TXNDC16: variants seen among roughly 807,000 people sequenced by gnomAD.
TXNDC16 encodes thioredoxin domain-containing protein 16.
A neutral mutation model predicts 85.6 loss-of-function variants in TXNDC16; 74 were observed. The ratio of observed to expected loss-of-function variants is 0.86; its 90% confidence interval spans 0.72 to 1.05. The LOEUF (loss-of-function observed/expected upper bound fraction) is 1.05, where lower values mean the gene tolerates loss of function less well. Ranked by LOEUF, TXNDC16 falls within the 50% of genes least tolerant of loss-of-function variation. TXNDC16 has a pLI of 0.00. For synonymous variants in TXNDC16, 335 were observed against 326.5 expected, an observed-to-expected ratio of 1.03 and a Z score of -0.28; for missense variants, 959 against 947.0, an observed-to-expected ratio of 1.01 and a Z score of -0.17.
At chr14:52,528,170 T>C (rs942483593) in intron 6 of TXNDC16, among the ~76,000 whole-genome samples, 1 of 152,146 alleles carries the variant, frequency 6.6e-6, no homozygotes, top group African/African-American at 2.4e-5. Flanking sequence ...AATGATCTTT[T>C]CTGCTGACGA....
At chr14:52,511,522 G>C in intron 8 of TXNDC16, 132 bp from the exon 9 acceptor site, 1 of 515,398 alleles carries the variant, frequency 1.9e-6, no homozygotes, top group Middle Eastern at 5.3e-4. Context: ...GCCTGAAAGA[G>C]TATAAAATTA....
At chr14:52,535,671 C>T (rs1449272515) in intron 6 of TXNDC16, among the ~76,000 whole-genome samples, 2 of 152,066 alleles carry the variant, frequency 1.3e-5, no homozygotes, top group African/African-American at 4.8e-5. Context: ...GGGGAAGAGT[C>T]CAAGAATGGA....
intron 20 of TXNDC16, 21 bp from the exon 21 acceptor site, chr14:52,432,608 A>T: frequency 3.8e-6 from 6 of 1,579,872 alleles, no homozygotes; most frequent in Non-Finnish European, 5.1e-6. Flanking sequence ...GAAACAATCA[A>T]AGGTTAAAGA....
intron 12 of TXNDC16, among the ~76,000 whole-genome samples, chr14:52,485,288 G>A (rs1203655420): frequency 1.3e-5 from 2 of 152,052 alleles, no homozygotes; most frequent in African/African-American, 4.8e-5. Flanking sequence ...ATAGCATAAG[G>A]ATATAAAAAA....
chr14:52,530,246 TA>T (rs1277080451), intron 6 of TXNDC16, among the ~76,000 whole-genome samples: 23 of 45,768 alleles, frequency 5.0e-4, no homozygotes, highest in African/African-American at 3.2e-3. Flanking sequence ...TAATAATATA[TA>T]ATATATATTA....
intron 12 of TXNDC16, among the ~76,000 whole-genome samples, chr14:52,487,846 A>G (rs1178534132): frequency 6.6e-6 from 1 of 152,236 alleles, no homozygotes; most frequent in African/African-American, 2.4e-5. Flanking sequence ...AAAGAGTTAA[A>G]AACTATACAA....
At chr14:52,503,623 G>GA (rs1181365050) in intron 9 of TXNDC16, among the ~76,000 whole-genome samples, 1 of 152,136 alleles carries the variant, frequency 6.6e-6, no homozygotes, top group Non-Finnish European at 1.5e-5. Context: ...CAAAGATGGG[G>GA]AAAAAACAGA....
intron 9 of TXNDC16, among the ~76,000 whole-genome samples, chr14:52,504,346 A>C (rs2036738379): frequency 6.6e-6 from 1 of 152,272 alleles, no homozygotes; most frequent in Non-Finnish European, 1.5e-5. Flanking sequence ...CACAGAGGGA[A>C]GTCCATCAGA....
At chr14:52,457,010 G>T in intron 17 of TXNDC16, 80 bp downstream of exon 17, 2 of 1,008,412 alleles carry the variant, frequency 2.0e-6, no homozygotes, top group Non-Finnish European at 3.0e-6. Flanking sequence ...TCCATCAGCT[G>T]TGTAAATATA....
intron 9 of TXNDC16, among the ~76,000 whole-genome samples, chr14:52,498,064 T>C (rs1251871038): frequency 6.6e-5 from 10 of 152,228 alleles, no homozygotes; most frequent in Admixed American, 3.3e-4. Flanking sequence ...GTCATTTCGA[T>C]TGATGCAGGA....
At chr14:52,444,924 C>T (rs956623874) in intron 18 of TXNDC16, among the ~76,000 whole-genome samples, 3 of 152,026 alleles carry the variant, frequency 2.0e-5, no homozygotes, top group African/African-American at 2.4e-5. Flanking sequence ...CTTAAACAAC[C>T]ATCAAGAGGA....
chr14:52,465,061 CT>C (rs1409230728), intron 16 of TXNDC16, among the ~76,000 whole-genome samples: 11 of 152,206 alleles, frequency 7.2e-5, no homozygotes, highest in Middle Eastern at 3.4e-3. Flanking sequence ...TTCGTTTTTA[CT>C]TTTTACAATT....
chr14:52,452,832 G>A (rs2035442613), intron 18 of TXNDC16, among the ~76,000 whole-genome samples: 2 of 152,048 alleles, frequency 1.3e-5, no homozygotes. Flanking sequence ...AATGACAAAT[G>A]GGATCACATC....
intron 9 of TXNDC16, among the ~76,000 whole-genome samples, chr14:52,500,641 C>T (rs981406843): frequency 6.6e-6 from 1 of 152,062 alleles, no homozygotes; most frequent in Non-Finnish European, 1.5e-5. Context: ...TCTAAAATAA[C>T]CATGTTAGGA....
intron 6 of TXNDC16, among the ~76,000 whole-genome samples, chr14:52,522,090 A>T (rs904230877): frequency 6.6e-6 from 1 of 152,220 alleles, no homozygotes; most frequent in Non-Finnish European, 1.5e-5. Context: ...AGTTACTTCA[A>T]AACAGTTGGG....
intron 6 of TXNDC16, among the ~76,000 whole-genome samples, chr14:52,530,112 TTA>T (rs1195137452): frequency 5.2e-5 from 5 of 95,400 alleles, no homozygotes; most frequent in Admixed American, 1.9e-4. Flanking sequence ...TATATTTATA[TTA>T]TATATATTTA....
chr14:52,435,202 A>T (rs2034997143), intron 20 of TXNDC16, among the ~76,000 whole-genome samples: 2 of 151,656 alleles, frequency 1.3e-5, no homozygotes, highest in Non-Finnish European at 2.9e-5. Flanking sequence ...CCACATAGTA[A>T]TCTAGGAAGC....
chr14:52,479,578 A>T (rs1280409765), intron 14 of TXNDC16, among the ~76,000 whole-genome samples: 1 of 151,980 alleles, frequency 6.6e-6, no homozygotes, highest in Admixed American at 6.6e-5. Flanking sequence ...TGCAAAAAAA[A>T]AAAATAATAA....
At chr14:52,517,295 G>A (rs943571054) in intron 7 of TXNDC16, among the ~76,000 whole-genome samples, 2 of 152,102 alleles carry the variant, frequency 1.3e-5, no homozygotes, top group African/African-American at 4.8e-5. Flanking sequence ...ACTTACAGCT[G>A]CAAAAGGAAA....
Sources: allele counts gnomAD v4.1 joint callset (sites outside exome capture counted in the v4.1 genomes callset), GRCh38; gene constraint gnomAD v4.1.1; transcripts MANE v1.5; gene names NCBI Gene and HGNC (gene_info 2026-07-23, HGNC 2026-07-21).